PDE10A: variants seen among roughly 807,000 people sequenced by gnomAD.
The protein encoded by PDE10A is phosphodiesterase 10A.
Under a neutral mutation model 97.7 loss-of-function variants are expected in PDE10A, and 39 were observed. The ratio of observed to expected loss-of-function variants is 0.40; its 90% CI spans 0.31 to 0.52. The LOEUF is 0.52. PDE10A is among the 20% of genes least tolerant of loss of function. The probability of loss-of-function intolerance (pLI) is 0.56; values close to 1 mark genes in which losing one functional copy is unlikely to be tolerated. For synonymous variants in PDE10A, 371 were observed against 376.8 expected (o/e 0.98, Z 0.18); for missense variants, 731 against 1,047.8 (o/e 0.70, Z 4.17).
At chr6:165,622,329 C>T (rs1023325631) in intron 1 of PDE10A, among the ~76,000 whole-genome samples, 1 of 151,958 alleles carries the variant, frequency 6.6e-6, no homozygotes, top group African/African-American at 2.4e-5. Context: ...AATGGAAACA[C>T]GTGAGAAACG....
At chr6:165,362,816 G>A (rs1214637255) in intron 18 of PDE10A, among the ~76,000 whole-genome samples, 1 of 152,102 alleles carries the variant, frequency 6.6e-6, no homozygotes. Context: ...TGTCCTCAAC[G>A]AAATATCATC....
chr6:165,422,589 T>A (rs1788800793), intron 10 of PDE10A, among the ~76,000 whole-genome samples: 1 of 152,192 alleles, frequency 6.6e-6, no homozygotes, highest in Non-Finnish European at 1.5e-5. Context: ...AAAACTTACT[T>A]TAAGCCTAAA....
chr6:165,623,699 AC>A (rs1788254861), intron 1 of PDE10A, among the ~76,000 whole-genome samples: 1 of 152,236 alleles, frequency 6.6e-6, no homozygotes, highest in South Asian at 2.1e-4. Context: ...CAGTTGCGGA[AC>A]CCAATGGTGG....
intron 10 of PDE10A, among the ~76,000 whole-genome samples, chr6:165,422,247 C>T (rs932026260): frequency 6.6e-6 from 1 of 151,830 alleles, no homozygotes; most frequent in South Asian, 2.1e-4. Flanking sequence ...TAAAAGCCAC[C>T]CCTACTCCCT....
At chr6:165,934,732 ACT>A (rs908397437) in intron 1 of PDE10A, among the ~76,000 whole-genome samples, 3 of 151,718 alleles carry the variant, frequency 2.0e-5, no homozygotes, top group African/African-American at 7.3e-5. Flanking sequence ...CCACCCCACC[ACT>A]CTCTGCAATG....
rs370247623 is a variant in PDE10A at position 165,620,710 on chromosome 6, A to C, written c.865+41237T>G. Reference sequence around the variant, plus strand: ...CTACCTTTGGTTCTAGAGCAGATTAAAACAGCAGAGAAATTGTGTCTGTCT... The same window carrying C: ...CTACCTTTGGTTCTAGAGCAGATTACAACAGCAGAGAAATTGTGTCTGTCT... On this transcript the variant is annotated intron_variant, in intron 1 of 21. Coordinates refer to ENST00000539869, the MANE Select transcript of PDE10A (RefSeq NM_001385079.1). Among the ~76,000 whole-genome samples the C allele has an allele frequency of 1.6e-3, 244 of 152,236 alleles. 8 individuals carry two copies. The South Asian group carries it at 0.045, about 28-fold the overall frequency.
At chr6:165,978,684 G>A (rs1305389289) in intron 1 of PDE10A, among the ~76,000 whole-genome samples, 1 of 152,136 alleles carries the variant, frequency 6.6e-6, no homozygotes, top group East Asian at 1.9e-4. Flanking sequence ...ACATATGTGT[G>A]ATTCCCGATT....
chr6:165,478,078 C>A (rs80216914), intron 3 of PDE10A, among the ~76,000 whole-genome samples: 1 of 152,154 alleles, frequency 6.6e-6, no homozygotes, highest in African/African-American at 2.4e-5. Context: ...TCTCTACCTA[C>A]GAACTTTTCT....
intron 1 of PDE10A, among the ~76,000 whole-genome samples, chr6:165,645,988 T>C (rs555624783): frequency 6.6e-6 from 1 of 151,762 alleles, no homozygotes; most frequent in Non-Finnish European, 1.5e-5. Flanking sequence ...AGGAAACAAG[T>C]ATAAAGGGAG....
rs538404210 is a variant in PDE10A at position 165,823,025 on chromosome 6, G to T, written c.-615+164504C>A. Among the ~76,000 whole-genome samples the T allele has an allele frequency of 5.3e-5, 8 of 151,808 alleles. No homozygotes were observed. The East Asian group carries it at 9.7e-4, about 18-fold the overall frequency. On this transcript the variant is annotated intron_variant, in intron 1 of 19. Transcript: ENST00000366882. Reference sequence around the variant, plus strand: ...ATTTTCGTATTTTTAGTAGAGATGGGGTTTCACCGTGTTAGCCAGGATGGT... The same window carrying T: ...ATTTTCGTATTTTTAGTAGAGATGGTGTTTCACCGTGTTAGCCAGGATGGT...
At chr6:165,441,491 G>T (rs942248856) in intron 5 of PDE10A, among the ~76,000 whole-genome samples, 4 of 152,126 alleles carry the variant, frequency 2.6e-5, no homozygotes, top group African/African-American at 9.7e-5. Flanking sequence ...GTAAATTAAG[G>T]TTTAGAAAGT....
intron 5 of PDE10A, among the ~76,000 whole-genome samples, chr6:165,435,776 A>G (rs908917358): frequency 4.6e-5 from 7 of 152,218 alleles, no homozygotes; most frequent in Admixed American, 3.3e-4. Flanking sequence ...CAGAATCAGT[A>G]GCTGCAAGTC....
In PDE10A at chr6:165,711,161, G is replaced by A. The variant is rs1791886413; in HGVS notation, c.-614-167593C>T. ...TGAAGGGGAGGCGGCTGGCTGGAGA[G>A]AACAACAGGGATATGACGTTAGCAG... On this transcript the variant is annotated intron_variant, in intron 1 of 19. Transcript: ENST00000366882. This position sits in a 1 kb window ranked among gnomAD's most constrained non-coding sequence, Gnocchi z 4.5. 6.6e-6 allele frequency among the ~76,000 whole-genome samples: 1 copy of A among 152,218 alleles called. No homozygotes were observed. The highest frequency in any genetic ancestry group is 2.4e-5 in the African/African-American group (1 of 41,462).
intron 10 of PDE10A, among the ~76,000 whole-genome samples, chr6:165,428,156 A>C (rs1359021058): frequency 6.6e-6 from 1 of 152,162 alleles, no homozygotes; most frequent in East Asian, 1.9e-4. Context: ...ATCCACCCAT[A>C]CATTCTGACA....
At chr6:165,693,273 G>C (rs765395954) in intron 1 of PDE10A, among the ~76,000 whole-genome samples, 3 of 152,144 alleles carry the variant, frequency 2.0e-5, no homozygotes, top group Non-Finnish European at 4.4e-5. Context: ...GCTCACGCCT[G>C]TAATCCCAGC....
chr6:165,737,353 G>A (rs1339414182), intron 1 of PDE10A, among the ~76,000 whole-genome samples: 2 of 152,078 alleles, frequency 1.3e-5, no homozygotes, highest in African/African-American at 4.8e-5. Flanking sequence ...AAAATTTCAG[G>A]CCAATATCCC....
Position 165,327,742 on chromosome 6 carries a change from C to A in PDE10A, c.*5283G>T, listed in dbSNP as rs919896766. ...ATCATTTTTTAAAATTTACTAACAT[C>A]AACTATGATAAAGTTAGATACTGTT... On this transcript the variant is annotated 3_prime_UTR_variant, in exon 22 of 22. Transcript: ENST00000539869. 6.6e-6 allele frequency: 1 copy of A among 152,194 alleles called. No homozygotes were observed. The highest frequency in any genetic ancestry group is 2.4e-5 in the African/African-American group (1 of 41,452). The allele number at this position is 152,194 out of a possible 1,614,324, so 9.4% of individuals were successfully genotyped here.
At chr6:165,394,898 C>T (rs1241551677) in intron 15 of PDE10A, among the ~76,000 whole-genome samples, 1 of 152,108 alleles carries the variant, frequency 6.6e-6, no homozygotes, top group Non-Finnish European at 1.5e-5. Flanking sequence ...TTCAGTTACC[C>T]AGCTGAAAGA....
At chr6:165,918,149 T>C (rs1466283279) in intron 1 of PDE10A, among the ~76,000 whole-genome samples, 1 of 152,260 alleles carries the variant, frequency 6.6e-6, no homozygotes, top group Non-Finnish European at 1.5e-5. Context: ...TAGAATTCTC[T>C]AGTAGGTTAC....
Sources: gnomAD v4.1 joint callset for allele counts (sites outside exome capture counted in the v4.1 genomes callset) on GRCh38, gnomAD v4.1.1 for gene constraint, Gnocchi (gnomAD v3.1) non-coding constraint, MANE v1.5 for transcripts, NCBI Gene and HGNC (gene_info 2026-07-23, HGNC 2026-07-21) for gene names.